DZIP1L: variants seen among roughly 807,000 people sequenced by gnomAD.
DZIP1L encodes DAZ interacting zinc finger protein 1 like, also known as cilium assembly protein DZIP1L.
DZIP1L carries 90 observed loss-of-function variants against 88.7 expected under a neutral mutation model. That is an observed-to-expected ratio of 1.02 (90% CI 0.86 to 1.21). The LOEUF (loss-of-function observed/expected upper bound fraction) is 1.21. DZIP1L is among the 50% of genes most tolerant of loss of function. DZIP1L has a pLI of 0.00. For synonymous variants in DZIP1L, 363 were observed against 372.1 expected, an observed-to-expected ratio of 0.98 and a Z score of 0.28; for missense variants, 932 against 955.8, an observed-to-expected ratio of 0.98 and a Z score of 0.33.
chr3:138,100,043 T>C (rs1355531089), intron 2 of DZIP1L, among the ~76,000 whole-genome samples: 1 of 151,788 alleles, frequency 6.6e-6, no homozygotes, highest in Admixed American at 6.6e-5. Flanking sequence ...TTTTTTTTTT[T>C]GGCTCATCAG....
In DZIP1L at chr3:138,084,230, G is replaced by A. The variant is rs370737938; in HGVS notation, c.1086C>T (p.Leu362=). The A allele has an allele frequency of 3.7e-6, 6 of 1,614,026 alleles. No homozygotes were observed. In the African/African-American group the frequency reaches 8.0e-5, roughly 22 times the overall value. Residue 362 remains leucine (L), a synonymous_variant, in exon 8 of 16, where the codon CTC becomes CTT. Transcript: ENST00000327532. ...TCTGATCCTGAGACAGGGAGGCCTG[G>A]AGCCTCTGGTTCTCCTCCTGTAGCT... ...KKELQEENQR[L]QASLSQDQKK... is the part of the protein sequence containing the mutation.
At chr3:138,067,933 G>A (rs556099207) in intron 13 of DZIP1L, among the ~76,000 whole-genome samples, 1 of 152,170 alleles carries the variant, frequency 6.6e-6, no homozygotes, top group African/African-American at 2.4e-5. Context: ...GAACGGGTTT[G>A]GGGGAGGACA....
At chr3:138,077,128 G>C (rs548884644) in intron 11 of DZIP1L, among the ~76,000 whole-genome samples, 59 of 152,256 alleles carry the variant, frequency 3.9e-4, no homozygotes, top group Non-Finnish European at 7.4e-5. Context: ...TGATGGGCTT[G>C]CAGATGGATA....
At position 138,102,727 on chromosome 3, in the gene DZIP1L, G is replaced by C. The variant is rs895208918; in HGVS notation, c.501+744C>G. ...CAGGCTCTGGTTGACAGTGATGGCAGTGATGCCTCCCATGCCACTGGCCCC... is the reference window on the plus strand; with the variant it reads ...CAGGCTCTGGTTGACAGTGATGGCACTGATGCCTCCCATGCCACTGGCCCC... On this transcript the variant is annotated intron_variant, in intron 2 of 15. Transcript: ENST00000327532. The C allele has an allele frequency of 4.9e-6, 4 of 808,454 alleles. No homozygotes were observed. In the African/African-American group the frequency reaches 5.0e-5, roughly 10 times the overall value. 50.1% of individuals were successfully genotyped at this position (808,454 alleles called of 1,614,324 possible).
intron 1 of DZIP1L, chr3:138,108,047 G>A (rs1400870469): frequency 5.4e-6 from 1 of 184,952 alleles, no homozygotes; most frequent in Non-Finnish European, 1.0e-5. Context: ...GCAGTGGCGC[G>A]ATCTCGGCTC....
intron 7 of DZIP1L, among the ~76,000 whole-genome samples, chr3:138,085,935 G>T (rs1273343326): frequency 1.3e-5 from 2 of 152,166 alleles, no homozygotes; most frequent in African/African-American, 4.8e-5. Flanking sequence ...CCATAAAAAA[G>T]GATGAGTTCA....
chr3:138,073,838 T>A (rs2107750972), intron 11 of DZIP1L, among the ~76,000 whole-genome samples: 1 of 151,924 alleles, frequency 6.6e-6, no homozygotes, highest in African/African-American at 2.4e-5. Context: ...GAAAGGAAAA[T>A]TTTTTAGTGA....
Position 138,075,713 on chromosome 3 carries a change from C to T in DZIP1L, c.1422+1786G>A, listed in dbSNP as rs560360314. Among the ~76,000 whole-genome samples, 7 of 152,292 alleles carry T rather than the reference C, an allele frequency of 4.6e-5. No individual in the cohort carries two copies. In the East Asian group the frequency reaches 1.4e-3, roughly 29 times the overall value. On this transcript the variant is annotated intron_variant, in intron 11 of 15. Coordinates refer to ENST00000327532, the MANE Select transcript of DZIP1L (RefSeq NM_173543.3). The stretch of plus-strand genomic sequence containing the variant: ...TTACATCAAAAAGTCTGCGGCCTGG[C>T]GCGGTGGCTCACGCCTGTAATCTCA...
At chr3:138,088,317 T>C (rs1294293690) in intron 6 of DZIP1L, 62 bp downstream of exon 6, 3 of 1,525,812 alleles carry the variant, frequency 2.0e-6, no homozygotes, top group African/African-American at 1.4e-5. Context: ...TGAGAGAATA[T>C]ATTGGAAGAG....
Position 138,103,966 on chromosome 3 carries a change from C to A in DZIP1L, c.6G>T (p.Gln2His), listed in dbSNP as rs746721389. 11 of 1,609,910 alleles carry A rather than the reference C, an allele frequency of 6.8e-6. No individual in the cohort carries two copies. The Admixed American group carries it at 1.7e-4, about 24-fold the overall frequency. M[Q>H]SPAATAEGLS... is the part of the protein sequence containing the mutation. ...GGCCCTCAGCAGTGGCAGCTGGGGA[C>A]TGCATGGGCAGAGGAAGCCCTGAGC... The change falls in exon 2 of 16, where the codon CAG (glutamine) becomes CAT (histidine). Residue 2 changes from glutamine to histidine, a missense_variant. Physicochemically the swap from Gln to His is conservative, Grantham distance 24. Transcript: ENST00000327532.
At position 138,067,535 on chromosome 3, in the gene DZIP1L, G is replaced by C. The variant is rs780965989; in HGVS notation, c.1998C>G (p.Gly666=). The change falls in exon 14 of 16, where the codon GGC becomes GGG. Residue 666 remains glycine (G), a synonymous_variant. Coordinates refer to ENST00000327532, the MANE Select transcript of DZIP1L (RefSeq NM_173543.3). ...SEENAQPPGQ[G]SGTLVQSMVK... ...CACCCAAAGGTGCCAGCTCACCTGA[G>C]CCCTGGCCAGGGGGCTGGGCATTCT... The C allele has an allele frequency of 1.2e-6, 2 of 1,600,866 alleles. No homozygotes were observed. The highest frequency in any genetic ancestry group is 1.7e-6 in the Non-Finnish European group (2 of 1,174,536).
chr3:138,075,783 T>C (rs1325508216), intron 11 of DZIP1L, among the ~76,000 whole-genome samples: 1 of 152,046 alleles, frequency 6.6e-6, no homozygotes, highest in African/African-American at 2.4e-5. Context: ...TTCGAGACCA[T>C]CCTGGCAAAC....
chr3:138,064,532 TGCTGG>T, intron 15 of DZIP1L, 91 bp downstream of exon 15: 1 of 1,613,156 alleles, frequency 6.2e-7, no homozygotes, highest in Non-Finnish European at 8.5e-7. Flanking sequence ...GGATGACACT[TGCTGG>T]GCCCTCCCCA....
intron 12 of DZIP1L, 135 bp downstream of exon 12, chr3:138,071,508 C>A (rs1478399981): frequency 2.0e-6 from 2 of 1,005,718 alleles, no homozygotes; most frequent in Non-Finnish European, 2.8e-6. Context: ...CTGTAAGGAC[C>A]CTACCAGCTC....
At chr3:138,108,904 G>C (rs1177775682) in intron 1 of DZIP1L, among the ~76,000 whole-genome samples, 2 of 152,212 alleles carry the variant, frequency 1.3e-5, no homozygotes, top group Non-Finnish European at 2.9e-5. Flanking sequence ...TGGACCAGCA[G>C]CATCAGCATC....
chr3:138,084,104 C>T lies in DZIP1L; in HGVS notation c.1203+9G>A, dbSNP rs1302508641. ...ACCAAGGCCTGGCTGAAAGGAAGGG[C>T]AGACCTACCATCTCCTCCTGGGAGG... On this transcript the variant is annotated intron_variant, in intron 8 of 15. Transcript: ENST00000327532. 1 of 1,612,592 alleles carries T rather than the reference C, an allele frequency of 6.2e-7. No homozygotes were observed. Among genetic ancestry groups the T allele is most frequent in the African/African-American group, 1.3e-5 (1 of 74,904 alleles).
In DZIP1L at chr3:138,062,706, A is replaced by T; in HGVS notation, c.*110T>A. On this transcript the variant is annotated 3_prime_UTR_variant, in exon 16 of 16. Transcript: ENST00000327532. ...TGCACTGCTTCTCTCCAAGAGGATG[A>T]TCTCTTGGTTGTTTGTGAAGACAAG... is the stretch of plus-strand genomic sequence containing the variant. 1.6e-6 allele frequency: 2 copies of T among 1,236,914 alleles called. No individual in the cohort carries two copies. Among genetic ancestry groups the T allele is most frequent in the Non-Finnish European group, 1.2e-6 (1 of 866,162 alleles). The allele number at this position is 1,236,914 out of a possible 1,614,324, so 76.6% of individuals were successfully genotyped here. A position where few individuals can be genotyped will look rare whatever the true frequency, so the allele number is the denominator to read the frequency against.
At chr3:138,079,887 G>A (rs1362212277) in intron 10 of DZIP1L, among the ~76,000 whole-genome samples, 1 of 152,120 alleles carries the variant, frequency 6.6e-6, no homozygotes, top group East Asian at 1.9e-4. Flanking sequence ...AAACAAACGG[G>A]ACCTGGTCAG....
chr3:138,065,735 C>T (rs1196637978), intron 14 of DZIP1L, among the ~76,000 whole-genome samples: 1 of 152,250 alleles, frequency 6.6e-6, no homozygotes, highest in Non-Finnish European at 1.5e-5. Flanking sequence ...CCTAGCCTGA[C>T]ATCCCAGGGT....
Sources: allele counts gnomAD v4.1 joint callset (sites outside exome capture counted in the v4.1 genomes callset), GRCh38; gene constraint gnomAD v4.1.1; transcripts MANE v1.5; gene names NCBI Gene and HGNC (gene_info 2026-07-23, HGNC 2026-07-21).